The following FBXW7 variants were observed in gnomAD, a reference collection of about 807,000 sequenced individuals.
FBXW7 encodes the protein F-box/WD repeat-containing protein 7.
In FBXW7, 11 loss-of-function variants were observed where a neutral mutation model predicts 86.3. That is an observed-to-expected ratio of 0.13 (90% CI 0.08 to 0.21). The LOEUF (loss-of-function observed/expected upper bound fraction) is 0.21, where lower values mean the gene tolerates loss of function less well. Among genes scored for constraint, FBXW7 ranks in the 10% least tolerant of loss-of-function variants. FBXW7 has a pLI of 1.00. For synonymous variants in FBXW7, 313 were observed against 297.9 expected (o/e 1.05, Z -0.52); for missense variants, 488 against 847.4 (o/e 0.58, Z 5.27).
chr4:152,342,306 C>A (rs1405158928), intron 6 of FBXW7, among the ~76,000 whole-genome samples: 1 of 152,154 alleles, frequency 6.6e-6, no homozygotes, highest in Non-Finnish European at 1.5e-5. Flanking sequence ...CACTGTAGAA[C>A]AACATGGAAG....
At chr4:152,361,747 T>G (rs1340556729) in intron 4 of FBXW7, among the ~76,000 whole-genome samples, 1 of 151,978 alleles carries the variant, frequency 6.6e-6, no homozygotes, top group South Asian at 2.1e-4. Flanking sequence ...AGACCAAGGC[T>G]GGTGGATCAC....
At chr4:152,479,723 G>A (rs1036223067) in intron 2 of FBXW7, among the ~76,000 whole-genome samples, 1 of 152,070 alleles carries the variant, frequency 6.6e-6, no homozygotes, top group African/African-American at 2.4e-5. Context: ...AAAGGAACAT[G>A]GTATCAGGCT....
At chr4:152,405,776 C>G (rs1190613687) in intron 4 of FBXW7, among the ~76,000 whole-genome samples, 3 of 152,212 alleles carry the variant, frequency 2.0e-5, no homozygotes, top group Non-Finnish European at 2.9e-5. Context: ...GGCCCAGACT[C>G]AGATGATAAG....
At position 152,536,032 on chromosome 4, in the gene FBXW7, C is replaced by A. The variant is rs976959789; in HGVS notation, c.-1118G>T. ...GGCGGCGGCAGCGGCAGCGGCAGCG[C>A]CCGGAGCTCAGCTCGCTGTCTCCCT... On this transcript the variant is annotated 5_prime_UTR_variant, in exon 1 of 14. Transcript: ENST00000281708. 1.4e-5 allele frequency: 3 copies of A among 216,190 alleles called. No homozygotes were observed. Among genetic ancestry groups the A allele is most frequent in the Non-Finnish European group, 1.8e-5 (2 of 110,108 alleles). The allele number at this position is 216,190 out of a possible 1,614,324, so 13.4% of individuals were successfully genotyped here.
intron 2 of FBXW7, among the ~76,000 whole-genome samples, chr4:152,454,260 C>T (rs1024480104): frequency 1.1e-4 from 15 of 131,424 alleles, no homozygotes; most frequent in Admixed American, 2.2e-4. Context: ...AGCCCCCCCC[C>T]CCTTTTTTTT....
chr4:152,423,892 ATTTTTTTATTTGAGTG>A (rs1035901074), intron 2 of FBXW7, among the ~76,000 whole-genome samples: 4 of 151,954 alleles, frequency 2.6e-5, no homozygotes, highest in African/African-American at 4.8e-5. Context: ...AGAATGTTCT[ATTTTTTTATTTGAGTG>A]TTGTTACTTT....
chr4:152,497,374 C>CACACAG (rs1240252269), intron 2 of FBXW7, among the ~76,000 whole-genome samples: 1 of 143,666 alleles, frequency 7.0e-6, no homozygotes, highest in Non-Finnish European at 1.5e-5. Context: ...CACACACACA[C>CACACAG]ACTATGAGAT....
intron 2 of FBXW7, among the ~76,000 whole-genome samples, chr4:152,463,775 C>A (rs527976163): frequency 5.3e-5 from 8 of 152,260 alleles, no homozygotes; most frequent in Non-Finnish European, 1.2e-4. Context: ...TGATAATCTA[C>A]ATAATGAACA....
intron 2 of FBXW7, among the ~76,000 whole-genome samples, chr4:152,514,075 T>A (rs1017450909): frequency 3.3e-5 from 5 of 152,238 alleles, no homozygotes; most frequent in Non-Finnish European, 1.5e-5. Flanking sequence ...TTGGGATATA[T>A]TGTGTTAAAT....
At position 152,322,727 on chromosome 4, in the gene FBXW7, C is replaced by A; in HGVS notation, c.*154G>T. 8.1e-7 allele frequency: 1 copy of A among 1,227,454 alleles called. No individual in the cohort carries two copies. The highest frequency in any genetic ancestry group is 1.1e-6 in the Non-Finnish European group (1 of 907,062). The allele number at this position is 1,227,454 out of a possible 1,614,324, so 76.0% of individuals were successfully genotyped here. ...ATCTCTTCTTCTTTTCCTTCTTAGTCTGTAGGTCTTTTCAATCTGTTGCCC... is the reference window on the plus strand; with the variant it reads ...ATCTCTTCTTCTTTTCCTTCTTAGTATGTAGGTCTTTTCAATCTGTTGCCC... On this transcript the variant is annotated 3_prime_UTR_variant, in exon 14 of 14. Coordinates refer to ENST00000281708, the MANE Select transcript of FBXW7 (RefSeq NM_001349798.2).
chr4:152,431,832 A>C (rs993600296), intron 2 of FBXW7, among the ~76,000 whole-genome samples: 1 of 152,216 alleles, frequency 6.6e-6, no homozygotes, highest in Non-Finnish European at 1.5e-5. Context: ...ACCTTAAAAA[A>C]CAGACTCACT....
intron 2 of FBXW7, among the ~76,000 whole-genome samples, chr4:152,522,244 T>G (rs1749092584): frequency 6.6e-6 from 1 of 152,180 alleles, no homozygotes. Flanking sequence ...CACTTTTACA[T>G]GAATAGCTCG....
intron 2 of FBXW7, among the ~76,000 whole-genome samples, chr4:152,439,205 A>T (rs528657652): frequency 1.5e-4 from 23 of 152,330 alleles, no homozygotes; most frequent in African/African-American, 5.3e-4. Flanking sequence ...ACAGATAGAA[A>T]ATCCATGACA....
chr4:152,425,946 TCA>T (rs1739346179), intron 2 of FBXW7, among the ~76,000 whole-genome samples: 1 of 152,174 alleles, frequency 6.6e-6, no homozygotes, highest in Admixed American at 6.5e-5. Flanking sequence ...TTTTTCTGTC[TCA>T]GTTTTAGCTC....
intron 4 of FBXW7, among the ~76,000 whole-genome samples, chr4:152,375,505 ATAT>A (rs1450718358): frequency 6.6e-6 from 1 of 152,112 alleles, no homozygotes; most frequent in Admixed American, 6.6e-5. Context: ...TCTATGGCAA[ATAT>A]TATCTCCTAT....
intron 2 of FBXW7, among the ~76,000 whole-genome samples, chr4:152,517,271 A>T (rs1020368855): frequency 6.6e-6 from 1 of 152,210 alleles, no homozygotes; most frequent in African/African-American, 2.4e-5. Flanking sequence ...TATTGGAGGC[A>T]ATCATCCAGT....
In FBXW7 at chr4:152,330,755, G is replaced by C. The variant is rs1729492561; in HGVS notation, c.1099C>G (p.Arg367Gly). 1 of 1,611,960 alleles carries C rather than the reference G, an allele frequency of 6.2e-7. No individual in the cohort carries two copies. Among genetic ancestry groups the C allele is most frequent in the African/African-American group, 1.3e-5 (1 of 74,826 alleles). ...ACCTTAGGAGATTTGAGTTCTCCTCGCCTCCAGTTAGTATCAATTCTGTGC... is the reference window on the plus strand; with the variant it reads ...ACCTTAGGAGATTTGAGTTCTCCTCCCCTCCAGTTAGTATCAATTCTGTGC... ...RQHRIDTNWRRGELKSPKVLK... is the reference protein window; with the variant it reads ...RQHRIDTNWRGGELKSPKVLK... The change falls in exon 9 of 14, where the codon CGA becomes GGA. Residue 367 changes from arginine to glycine, a missense_variant. By Grantham distance (125) the Arg-to-Gly change is moderately radical (BLOSUM62 -2). Transcript: ENST00000281708.
At chr4:152,501,690 C>T (rs181221673) in intron 2 of FBXW7, among the ~76,000 whole-genome samples, 1 of 152,214 alleles carries the variant, frequency 6.6e-6, no homozygotes, top group East Asian at 1.9e-4. Context: ...TTGTTGTAAA[C>T]CTGATGAGAT....
chr4:152,330,642 T>C, intron 9 of FBXW7, 90 bp downstream of exon 9: 1 of 1,080,140 alleles, frequency 9.3e-7, no homozygotes, highest in Non-Finnish European at 1.3e-6. Context: ...AGAAGAGGAG[T>C]GTCATATTAT....
Sources: allele counts gnomAD v4.1 joint callset (sites outside exome capture counted in the v4.1 genomes callset), GRCh38; gene constraint gnomAD v4.1.1; transcripts MANE v1.5; gene names NCBI Gene and HGNC (gene_info 2026-07-23, HGNC 2026-07-21).